CRACDL: variants seen among roughly 807,000 people sequenced by gnomAD.
CRACDL encodes CRACD-like protein.
Under a neutral mutation model 70.6 loss-of-function variants are expected in CRACDL, and 26 were observed. That is an observed-to-expected ratio of 0.37 (90% CI 0.27 to 0.51). The LOEUF is 0.51. Among genes scored for constraint, CRACDL ranks in the 20% least tolerant of loss-of-function variants. CRACDL has a pLI of 0.94. For missense variants in CRACDL, 1,283 were observed against 1,376.9 expected, an observed-to-expected ratio of 0.93 and a Z score of 1.08; for synonymous variants, 618 against 615.2, an observed-to-expected ratio of 1.00 and a Z score of -0.07.
At chr2:98,904,397 C>T (rs773856525) in intron 1 of CRACDL, among the ~76,000 whole-genome samples, 3 of 152,220 alleles carry the variant, frequency 2.0e-5, no homozygotes, top group African/African-American at 7.2e-5. Flanking sequence ...AGCAGGGAAC[C>T]GGCCTTGCCG....
intron 1 of CRACDL, among the ~76,000 whole-genome samples, chr2:98,871,972 C>A (rs1027434790): frequency 7.2e-5 from 11 of 152,172 alleles, no homozygotes; most frequent in Admixed American, 7.2e-4. Context: ...ATGTACACCA[C>A]GGAATATTAC....
At chr2:98,879,444 G>A (rs1279622895) in intron 1 of CRACDL, among the ~76,000 whole-genome samples, 1 of 152,172 alleles carries the variant, frequency 6.6e-6, no homozygotes, top group Non-Finnish European at 1.5e-5. Context: ...TTGTAATTCT[G>A]AGACATGCAT....
Position 98,828,054 on chromosome 2 carries a change from G to T in CRACDL, c.541-885C>A, listed in dbSNP as rs372768898. On this transcript the variant is annotated intron_variant, in intron 5 of 9. Transcript: ENST00000397899. ...TACTCATTTATACTTCAGCACGGAA[G>T]AACTGATAGCAAATGGCAAACATGT... Among the ~76,000 whole-genome samples the T allele has an allele frequency of 5.7e-4, 87 of 152,352 alleles. 2 individuals are homozygous for T. In the South Asian group the frequency reaches 0.013, roughly 24 times the overall value.
rs184856661 is a variant in CRACDL, at chr2:98,865,126, C to A, written c.-10-18316G>T. Among the ~76,000 whole-genome samples, 141 of 152,214 alleles carry A rather than the reference C, an allele frequency of 9.3e-4. 1 individual carries two copies. Among genetic ancestry groups the A allele is most frequent in the Non-Finnish European group, 1.6e-3 (112 of 68,016 alleles). On this transcript the variant is annotated intron_variant, in intron 1 of 9. Transcript: ENST00000397899. Reference sequence around the variant, plus strand: ...GACTCCAACCCAAGCCCTGTGCACACCAGCAGAATGCGTGCCTCAGCCCTG... The same window carrying A: ...GACTCCAACCCAAGCCCTGTGCACAACAGCAGAATGCGTGCCTCAGCCCTG...
At chr2:98,916,980 C>A (rs530152398) in intron 1 of CRACDL, among the ~76,000 whole-genome samples, 2 of 152,340 alleles carry the variant, frequency 1.3e-5, no homozygotes, top group East Asian at 3.9e-4. Context: ...TAAAGGGAAT[C>A]TGAATGAAAT....
intron 1 of CRACDL, among the ~76,000 whole-genome samples, chr2:98,870,548 G>A (rs1008322990): frequency 7.2e-5 from 11 of 152,038 alleles, no homozygotes; most frequent in Non-Finnish European, 1.0e-4. Flanking sequence ...TTAGCTGGTG[G>A]AGAGTCCCCT....
intron 3 of CRACDL, 50 bp from the exon 4 acceptor site, chr2:98,833,047 C>G: frequency 6.5e-7 from 1 of 1,538,430 alleles, no homozygotes; most frequent in Non-Finnish European, 8.8e-7. Context: ...ATCTTACTGA[C>G]CCCTGGGGGG....
chr2:98,852,049 G>C (rs1706502098), intron 1 of CRACDL, among the ~76,000 whole-genome samples: 1 of 152,112 alleles, frequency 6.6e-6, no homozygotes. Context: ...GGAGTGGCTG[G>C]AGCTCAAATA....
chr2:98,866,060 G>A (rs537589397), intron 1 of CRACDL, among the ~76,000 whole-genome samples: 11 of 152,218 alleles, frequency 7.2e-5, no homozygotes, highest in Admixed American at 2.0e-4. Flanking sequence ...AAAGGATAGC[G>A]AGGACAGAGA....
At position 98,823,423 on chromosome 2, in the gene CRACDL, C is replaced by T. The variant is rs1186492883; in HGVS notation, c.850G>A (p.Asp284Asn). Residue 284 changes from aspartate to asparagine, a missense_variant, in exon 7 of 10, where the codon GAC (aspartate) becomes AAC (asparagine). Coordinates refer to ENST00000397899, the MANE Select transcript of CRACDL (RefSeq NM_207362.3). The surrounding 1 kb of genome is among the most constrained non-coding windows in gnomAD (Gnocchi z 4.0). ...PEERPSSGQQ[D>N]VAPDRGPEPG... Reference sequence around the variant, plus strand: ...TCAGGGCCTCTGTCTGGCGCCACGTCCTGCTGCCCAGAGCTGGGGCGCTCT... The same window carrying T: ...TCAGGGCCTCTGTCTGGCGCCACGTTCTGCTGCCCAGAGCTGGGGCGCTCT... 1.9e-6 allele frequency: 3 copies of T among 1,575,674 alleles called. No individual in the cohort carries two copies. The highest frequency in any genetic ancestry group is 2.6e-6 in the Non-Finnish European group (3 of 1,169,036).
Position 98,894,248 on chromosome 2 carries a change from C to A in CRACDL, c.-11+41690G>T, listed in dbSNP as rs146869223. ...GCAGAGTGGGAAGAGGGTGAGAACA[C>A]CCCCTCCCATCACATCTCCATAAAT... On this transcript the variant is annotated intron_variant, in intron 1 of 9. Transcript: ENST00000397899. Among the ~76,000 whole-genome samples, 830 of 152,294 alleles carry A rather than the reference C, an allele frequency of 5.4e-3. 3 individuals carry two copies. Among genetic ancestry groups the A allele is most frequent in the South Asian group, 0.01 (49 of 4,818 alleles).
intron 2 of CRACDL, among the ~76,000 whole-genome samples, chr2:98,843,484 CTTCTGCTATGCT>C (rs1381378698): frequency 6.6e-6 from 1 of 152,136 alleles, no homozygotes; most frequent in Non-Finnish European, 1.5e-5. Context: ...TCATAACTAT[CTTCTGCTATGCT>C]TTCTTTTAAA....
rs886215848 is a variant in CRACDL, at chr2:98,933,010, A to C, written c.-11+2928T>G. Reference sequence around the variant, plus strand: ...CTTGTCCTGCTTCCTGTGGGAACTCAGGGAAGGCCGAGCTCAGAACAGTAG... The same window carrying C: ...CTTGTCCTGCTTCCTGTGGGAACTCCGGGAAGGCCGAGCTCAGAACAGTAG... On this transcript the variant is annotated intron_variant, in intron 1 of 9. Transcript: ENST00000397899. Among the ~76,000 whole-genome samples the C allele has an allele frequency of 3.3e-5, 5 of 152,168 alleles. No homozygotes were observed. The East Asian group carries it at 5.8e-4, about 18-fold the overall frequency.
At chr2:98,797,052 T>C (rs1254938306) in intron 8 of CRACDL, among the ~76,000 whole-genome samples, 2 of 152,240 alleles carry the variant, frequency 1.3e-5, no homozygotes, top group African/African-American at 4.8e-5. Flanking sequence ...AGCTGCTGCG[T>C]TGCCAAGGAG....
At chr2:98,927,166 T>C (rs1459688944) in intron 1 of CRACDL, among the ~76,000 whole-genome samples, 1 of 152,086 alleles carries the variant, frequency 6.6e-6, no homozygotes, top group African/African-American at 2.4e-5. Context: ...TGGACGGAGG[T>C]GGAGGTCACA....
intron 5 of CRACDL, among the ~76,000 whole-genome samples, chr2:98,827,714 A>T (rs1346334160): frequency 2.6e-5 from 4 of 152,236 alleles, no homozygotes; most frequent in Non-Finnish European, 5.9e-5. Context: ...AAGACCATGC[A>T]GAGAACCTGT....
chr2:98,869,714 A>G (rs1382347147), intron 1 of CRACDL, among the ~76,000 whole-genome samples: 2 of 152,176 alleles, frequency 1.3e-5, no homozygotes, highest in African/African-American at 4.8e-5. Context: ...TCCACTTGCT[A>G]TCTCAGTGCG....
intron 9 of CRACDL, among the ~76,000 whole-genome samples, chr2:98,795,714 G>A (rs1703790489): frequency 6.6e-6 from 1 of 152,116 alleles, no homozygotes; most frequent in Non-Finnish European, 1.5e-5. Context: ...GCTGGTTCTA[G>A]GACCTCTCCC....
intron 1 of CRACDL, among the ~76,000 whole-genome samples, chr2:98,887,541 C>T (rs1032570747): frequency 2.6e-5 from 4 of 151,980 alleles, no homozygotes; most frequent in African/African-American, 7.2e-5. Context: ...GAGCATACAA[C>T]GTGTACACTG....
Sources: gnomAD v4.1 joint callset for allele counts (sites outside exome capture counted in the v4.1 genomes callset) on GRCh38, gnomAD v4.1.1 for gene constraint, Gnocchi (gnomAD v3.1) non-coding constraint, MANE v1.5 for transcripts, NCBI Gene and HGNC (gene_info 2026-07-23, HGNC 2026-07-21) for gene names.